LURAP1L: variants seen among roughly 807,000 people sequenced by gnomAD.
LURAP1L encodes the protein leucine rich adaptor protein 1-like.
In LURAP1L, 12 loss-of-function variants were observed where a neutral mutation model predicts 13.8. The ratio of observed to expected loss-of-function variants is 0.87; its 90% confidence interval spans 0.56 to 1.41. The LOEUF is 1.41. LURAP1L is among the 40% of genes most tolerant of loss of function. The pLI is 0.00. For missense variants in LURAP1L, 375 were observed against 292.9 expected, an observed-to-expected ratio of 1.28 and a Z score of -2.04; for synonymous variants, 139 against 119.2, an observed-to-expected ratio of 1.17 and a Z score of -1.08.
At chr9:12,788,924 T>G (rs1444400824) in intron 1 of LURAP1L, among the ~76,000 whole-genome samples, 1 of 150,742 alleles carries the variant, frequency 6.6e-6, no homozygotes, top group African/African-American at 2.4e-5. Context: ...TTTAATAAGC[T>G]GAGTGCAGTG....
In LURAP1L at chr9:12,783,351, T is replaced by G. The variant is rs10125581; in HGVS notation, c.312+7324T>G. On this transcript the variant is annotated intron_variant, in intron 1 of 1. Transcript: ENST00000319264. Reference sequence around the variant, plus strand: ...GATACCAGCTGTAGGTCTGTTTATATGGCTTTTATTGTGCAGTGGTAGATT... The same window carrying G: ...GATACCAGCTGTAGGTCTGTTTATAGGGCTTTTATTGTGCAGTGGTAGATT... Among the ~76,000 whole-genome samples, 319 of 152,180 alleles carry G rather than the reference T, an allele frequency of 2.1e-3. 2 individuals carry two copies. Among genetic ancestry groups the G allele is most frequent in the African/African-American group, 6.5e-3 (270 of 41,522 alleles).
At chr9:12,791,912 A>T (rs1819446321) in intron 1 of LURAP1L, among the ~76,000 whole-genome samples, 1 of 152,058 alleles carries the variant, frequency 6.6e-6, no homozygotes, top group Admixed American at 6.6e-5. Context: ...ATTTCTGCTG[A>T]CTTCAGACCT....
chr9:12,792,259 C>A (rs1819450552), intron 1 of LURAP1L, among the ~76,000 whole-genome samples: 1 of 151,908 alleles, frequency 6.6e-6, no homozygotes, highest in Non-Finnish European at 1.5e-5. Flanking sequence ...TGTATGGAAG[C>A]AAGAATTCTG....
At chr9:12,818,897 C>T (rs142779594) in intron 1 of LURAP1L, among the ~76,000 whole-genome samples, 5 of 152,214 alleles carry the variant, frequency 3.3e-5, no homozygotes, top group African/African-American at 7.2e-5. Context: ...GCTACAGATG[C>T]CTGCTGAATG....
intron 1 of LURAP1L, among the ~76,000 whole-genome samples, chr9:12,785,082 C>T (rs1819330961): frequency 6.6e-6 from 1 of 151,906 alleles, no homozygotes; most frequent in Non-Finnish European, 1.5e-5. Flanking sequence ...TATGGTGAAT[C>T]TTGCCAGGCC....
chr9:12,784,442 C>T (rs751300158), intron 1 of LURAP1L, among the ~76,000 whole-genome samples: 1 of 152,180 alleles, frequency 6.6e-6, no homozygotes, highest in African/African-American at 2.4e-5. Flanking sequence ...ATGACTCTTG[C>T]AGACTAACAG....
At chr9:12,816,458 T>C (rs982007096) in intron 1 of LURAP1L, among the ~76,000 whole-genome samples, 5 of 152,140 alleles carry the variant, frequency 3.3e-5, no homozygotes, top group Admixed American at 1.3e-4. Context: ...CAGTGGCAGA[T>C]TGGAGTCAGT....
chr9:12,803,706 G>A (rs71507332), intron 1 of LURAP1L, among the ~76,000 whole-genome samples: 19,553 of 152,170 alleles, frequency 0.13, 1,554 homozygotes, highest in East Asian at 0.27. Context: ...TTAGGCAAGT[G>A]TGTCTTAATA....
At chr9:12,810,183 G>T (rs552421301) in intron 1 of LURAP1L, among the ~76,000 whole-genome samples, 1 of 152,176 alleles carries the variant, frequency 6.6e-6, no homozygotes, top group African/African-American at 2.4e-5. Context: ...TGAGAACCTG[G>T]TAGGTTTCCT....
intron 1 of LURAP1L, among the ~76,000 whole-genome samples, chr9:12,815,664 A>G (rs563052338): frequency 6.6e-6 from 1 of 152,264 alleles, no homozygotes; most frequent in Admixed American, 6.5e-5. Flanking sequence ...TGACTAGTTG[A>G]CATTCATAAA....
In LURAP1L at chr9:12,775,604, GAT is replaced by G. The variant is rs1011222921; in HGVS notation, c.-110_-109del. 1.4e-6 allele frequency: 2 copies of G among 1,451,050 alleles called. No individual in the cohort carries two copies. The highest frequency in any genetic ancestry group is 1.8e-6 in the Non-Finnish European group (2 of 1,101,260). The allele number at this position is 1,451,050 out of a possible 1,614,324, so 89.9% of individuals were successfully genotyped here. ...AGGACGGTACACCGGAGCGGCGGAG[GAT>G]AGAGACCCTGGCCCCCGGAGAGGTC... On this transcript the variant is annotated 5_prime_UTR_variant, in exon 1 of 2. It removes the in-frame stop codon of an upstream open reading frame in the 5' UTR. Transcript: ENST00000319264.
intron 1 of LURAP1L, among the ~76,000 whole-genome samples, chr9:12,786,839 T>C (rs909175994): frequency 6.6e-6 from 1 of 151,798 alleles, no homozygotes; most frequent in African/African-American, 2.4e-5. Flanking sequence ...GCCCACACCA[T>C]GGAAAGTTAA....
At chr9:12,779,338 G>T (rs1819237345) in intron 1 of LURAP1L, among the ~76,000 whole-genome samples, 1 of 141,350 alleles carries the variant, frequency 7.1e-6, no homozygotes, top group South Asian at 2.3e-4. Context: ...GCAGTGGAGC[G>T]ATCTCGGCTC....
intron 1 of LURAP1L, among the ~76,000 whole-genome samples, chr9:12,793,383 A>G (rs562572118): frequency 4.6e-5 from 7 of 152,186 alleles, no homozygotes; most frequent in African/African-American, 1.7e-4. Context: ...GATACTTATC[A>G]GTGTACTTAT....
chr9:12,775,853 C>T lies in LURAP1L; in HGVS notation c.138C>T (p.Ser46=), dbSNP rs772358620. The T allele has an allele frequency of 2.6e-6, 3 of 1,167,794 alleles. No homozygotes were observed. The highest frequency in any genetic ancestry group is 2.9e-5 in the Admixed American group (1 of 34,116). 72.3% of individuals were successfully genotyped at this position (1,167,794 alleles called of 1,614,324 possible). ...GGGACAGGGACCCCTGCGGGGGGAG[C>T]GGTGGTGGTGGCGGCGGCGGCGGCG... ...RERDRDPCGG[S]GGGGGGGGGC... Residue 46 remains serine, a synonymous_variant, in exon 1 of 2, where the codon AGC becomes AGT. Transcript: ENST00000319264.
chr9:12,822,962 T>C lies in LURAP1L; in HGVS notation c.*1202T>C, dbSNP rs1407245586. ...AACTGAGAAATGTTTCACCCAAATTTCCTTTGTTATTATATATTTACTACA... is the reference window on the plus strand; with the variant it reads ...AACTGAGAAATGTTTCACCCAAATTCCCTTTGTTATTATATATTTACTACA... On this transcript the variant is annotated 3_prime_UTR_variant, in exon 2 of 2. Coordinates refer to ENST00000319264, the MANE Select transcript of LURAP1L (RefSeq NM_203403.2). 2.6e-5 allele frequency among the ~76,000 whole-genome samples: 4 copies of C among 152,186 alleles called. No individual in the cohort carries two copies. The highest frequency in any genetic ancestry group is 4.8e-5 in the African/African-American group (2 of 41,424).
intron 1 of LURAP1L, among the ~76,000 whole-genome samples, chr9:12,803,021 T>G (rs942791246): frequency 2.6e-5 from 4 of 152,190 alleles, no homozygotes; most frequent in African/African-American, 9.6e-5. Context: ...ATACTTACTC[T>G]CTGCTGCATT....
chr9:12,813,281 A>G (rs1819762551), intron 1 of LURAP1L, among the ~76,000 whole-genome samples: 1 of 152,118 alleles, frequency 6.6e-6, no homozygotes, highest in Non-Finnish European at 1.5e-5. Context: ...ATTTATATAA[A>G]CCTATAATTT....
In LURAP1L at chr9:12,775,799, C is replaced by G. The variant is rs749750519; in HGVS notation, c.84C>G (p.Leu28=). 3.1e-6 allele frequency: 5 copies of G among 1,609,746 alleles called. No individual in the cohort carries two copies. In the East Asian group the frequency reaches 1.1e-4, roughly 36 times the overall value. The part of the protein sequence containing the change: ...RKVPESLVRS[L]RGEEPVPRER... ...TACCCGAGAGTCTAGTGCGCTCTCT[C>G]CGTGGGGAGGAGCCGGTTCCCAGGG... Residue 28 remains leucine, a synonymous_variant, in exon 1 of 2, where the codon CTC becomes CTG. Coordinates refer to ENST00000319264, the MANE Select transcript of LURAP1L (RefSeq NM_203403.2).
Sources: gnomAD v4.1 joint callset for allele counts (sites outside exome capture counted in the v4.1 genomes callset) on GRCh38, gnomAD v4.1.1 for gene constraint, MANE v1.5 for transcripts, NCBI Gene and HGNC (gene_info 2026-07-23, HGNC 2026-07-21) for gene names.